Variants in CDIN1 observed in about 807,000 individuals in gnomAD.
CDIN1 encodes the protein CDAN1-interacting nuclease 1.
CDIN1 carries 33 observed loss-of-function variants against 45.3 expected under a neutral mutation model. The observed-to-expected ratio is 0.73, with a 90% CI of 0.55 to 0.97. The LOEUF (loss-of-function observed/expected upper bound fraction) is 0.97. CDIN1 is among the 50% of genes least tolerant of loss of function. The probability of loss-of-function intolerance (pLI) is 0.00; values close to 1 mark genes in which losing one functional copy is unlikely to be tolerated. For synonymous variants in CDIN1, 118 were observed against 124.4 expected (o/e 0.95, Z 0.34); for missense variants, 303 against 339.4 (o/e 0.89, Z 0.84).
intron 4 of CDIN1, among the ~76,000 whole-genome samples, chr15:36,654,747 A>G (rs1015211537): frequency 1.3e-5 from 2 of 152,156 alleles, no homozygotes; most frequent in Admixed American, 6.5e-5. Context: ...TGGGGAAACA[A>G]ATAACAGCCT....
At chr15:36,656,177 T>C (rs1288363866) in intron 4 of CDIN1, among the ~76,000 whole-genome samples, 2 of 152,198 alleles carry the variant, frequency 1.3e-5, no homozygotes, top group East Asian at 1.9e-4. Context: ...TTTTTCCAGA[T>C]AGGTAATACT....
chr15:36,775,419 G>A (rs779875649), intron 10 of CDIN1, among the ~76,000 whole-genome samples: 20 of 152,134 alleles, frequency 1.3e-4, no homozygotes, highest in African/African-American at 4.3e-4. Context: ...CGGCTGGCAC[G>A]GACAAGGTCT....
intron 10 of CDIN1, among the ~76,000 whole-genome samples, chr15:36,754,217 T>C (rs1375352957): frequency 1.3e-5 from 2 of 152,112 alleles, no homozygotes; most frequent in African/African-American, 4.8e-5. Context: ...TCAGGTGATT[T>C]GTATTTCTGG....
chr15:36,753,635 C>A (rs1484223144), intron 10 of CDIN1, among the ~76,000 whole-genome samples: 19 of 143,222 alleles, frequency 1.3e-4, no homozygotes, highest in East Asian at 1.2e-3. Flanking sequence ...AAAAAAAAAG[C>A]AAATTTATGT....
At chr15:36,757,690 TGACATCTA>T (rs2053644316) in intron 10 of CDIN1, among the ~76,000 whole-genome samples, 2 of 152,092 alleles carry the variant, frequency 1.3e-5, no homozygotes, top group Admixed American at 1.3e-4. Flanking sequence ...CTTCTGCTCC[TGACATCTA>T]GACATCCACC....
chr15:36,782,585 C>G (rs576656628), intron 10 of CDIN1, among the ~76,000 whole-genome samples: 3 of 152,220 alleles, frequency 2.0e-5, no homozygotes, highest in African/African-American at 7.2e-5. Flanking sequence ...TACGAGCAAG[C>G]GCACTTGTGT....
intron 5 of CDIN1, among the ~76,000 whole-genome samples, chr15:36,679,022 C>T (rs1219764617): frequency 1.3e-5 from 2 of 152,168 alleles, no homozygotes; most frequent in Non-Finnish European, 2.9e-5. Context: ...TCTATTATGT[C>T]GTTATAGACA....
intron 10 of CDIN1, among the ~76,000 whole-genome samples, chr15:36,752,338 G>T (rs2053498701): frequency 6.6e-6 from 1 of 152,166 alleles, no homozygotes; most frequent in Admixed American, 6.5e-5. Context: ...CTAGAACTTT[G>T]TATTTCAGAA....
intron 8 of CDIN1, chr15:36,707,005 A>G (rs2042890904): frequency 6.6e-6 from 1 of 152,054 alleles, no homozygotes; most frequent in African/African-American, 2.4e-5. Flanking sequence ...CTACCCTGGT[A>G]CCATCATTTC....
At chr15:36,755,971 G>A in intron 10 of CDIN1, 1 of 436,316 alleles carries the variant, frequency 2.3e-6, no homozygotes. Context: ...CGAGAATATG[G>A]GAGAGAACCA....
intron 10 of CDIN1, among the ~76,000 whole-genome samples, chr15:36,741,209 C>G (rs16963976): frequency 0.036 from 5,541 of 152,230 alleles, 351 homozygotes; most frequent in African/African-American, 0.13. Flanking sequence ...CCAGAACCAC[C>G]CTGATGCATG....
intron 10 of CDIN1, among the ~76,000 whole-genome samples, chr15:36,780,255 CT>C (rs2054317769): frequency 6.6e-6 from 1 of 152,162 alleles, no homozygotes; most frequent in Non-Finnish European, 1.5e-5. Context: ...GACCTCAGCC[CT>C]TTTACTGAGT....
chr15:36,651,560 C>A (rs2040577946), intron 3 of CDIN1, among the ~76,000 whole-genome samples: 1 of 151,960 alleles, frequency 6.6e-6, no homozygotes, highest in South Asian at 2.1e-4. Flanking sequence ...AATTTTTTTT[C>A]CTACCACTTA....
At chr15:36,677,283 T>C (rs1231163267) in intron 5 of CDIN1, among the ~76,000 whole-genome samples, 1 of 152,112 alleles carries the variant, frequency 6.6e-6, no homozygotes, top group Non-Finnish European at 1.5e-5. Context: ...GCAGCATATC[T>C]GTGGCATTAA....
rs375412288 is a variant in CDIN1, at chr15:36,686,248, G to A, written c.347-5437G>A. On this transcript the variant is annotated intron_variant, in intron 5 of 10. Coordinates refer to ENST00000566621, the MANE Select transcript of CDIN1 (RefSeq NM_001321759.2). ...TGCAGCCATAAAAAATGATGAGTTC[G>A]TGTCCTTTGTAGGGACATGGATGAA... 1.9e-3 allele frequency among the ~76,000 whole-genome samples: 281 copies of A among 151,324 alleles called. 6 individuals are homozygous for A. In the East Asian group the frequency reaches 0.021, roughly 11 times the overall value.
At chr15:36,784,123 T>C (rs553904837) in intron 10 of CDIN1, among the ~76,000 whole-genome samples, 1 of 152,352 alleles carries the variant, frequency 6.6e-6, no homozygotes, top group Admixed American at 6.5e-5. Context: ...GCTGAAAATA[T>C]GCATTTTTAA....
intron 1 of CDIN1, among the ~76,000 whole-genome samples, chr15:36,592,980 A>G (rs767574409): frequency 1.8e-4 from 27 of 152,222 alleles, no homozygotes; most frequent in Non-Finnish European, 3.4e-4. Flanking sequence ...TTCCAGTATA[A>G]AAACAGAGGG....
In CDIN1 at chr15:36,644,185, A is replaced by G. The variant is rs969309037; in HGVS notation, c.102-93A>G. ...TTGTTTTCATGTTCTGTTAGATTAC[A>G]GGGCAGCAGGCCTACCTTTGAAGCT... On this transcript the variant is annotated intron_variant, in intron 1 of 10. Coordinates refer to ENST00000566621, the MANE Select transcript of CDIN1 (RefSeq NM_001321759.2). The G allele has an allele frequency of 9.4e-6, 11 of 1,175,418 alleles. No individual in the cohort carries two copies. In the East Asian group the frequency reaches 2.4e-4, roughly 25 times the overall value. 72.8% of individuals were successfully genotyped at this position (1,175,418 alleles called of 1,614,324 possible).
At chr15:36,767,320 T>G (rs1007933967) in intron 10 of CDIN1, among the ~76,000 whole-genome samples, 4 of 152,212 alleles carry the variant, frequency 2.6e-5, no homozygotes, top group African/African-American at 9.7e-5. Flanking sequence ...GATGTATTTT[T>G]GGGCTTCCTG....
Sources: allele counts gnomAD v4.1 joint callset (sites outside exome capture counted in the v4.1 genomes callset), GRCh38; gene constraint gnomAD v4.1.1; transcripts MANE v1.5; gene names NCBI Gene and HGNC (gene_info 2026-07-23, HGNC 2026-07-21).